Variants in ADAMTS2 observed in about 807,000 individuals in gnomAD.
ADAMTS2 encodes the protein ADAM metallopeptidase with thrombospondin type 1 motif 2, also known as A disintegrin and metalloproteinase with thrombospondin motifs 2.
Under a neutral mutation model 123.0 loss-of-function variants are expected in ADAMTS2, and 50 were observed. The observed-to-expected ratio is 0.41, with a 90% confidence interval of 0.32 to 0.51. The LOEUF (loss-of-function observed/expected upper bound fraction) is 0.51. ADAMTS2 is among the 20% of genes least tolerant of loss of function. ADAMTS2 has a pLI of 0.35. For missense variants in ADAMTS2, 1,494 were observed against 1,705.2 expected (o/e 0.88, Z 2.18); for synonymous variants, 678 against 695.4 (o/e 0.98, Z 0.39).
At position 179,151,492 on chromosome 5, in the gene ADAMTS2, A is replaced by C. The variant is rs554038008; in HGVS notation, c.1629+650T>G. Among the ~76,000 whole-genome samples the C allele has an allele frequency of 2.0e-5, 3 of 152,190 alleles. No homozygotes were observed. The South Asian group carries it at 6.2e-4, about 32-fold the overall frequency. ...TACTCCCTGCCCCCACTGCAGGGCC[A>C]AGGTGGTCTCAGTGGGGCTGAGCCT... On this transcript the variant is annotated intron_variant, in intron 10 of 21. Transcript: ENST00000251582.
intron 19 of ADAMTS2, 84 bp downstream of exon 19, chr5:179,124,889 C>A: frequency 6.3e-7 from 1 of 1,595,878 alleles, no homozygotes; most frequent in Non-Finnish European, 8.5e-7. Context: ...TGTGTAGCGG[C>A]TGAATGCAGC....
At chr5:179,131,306 C>CAAAAAAAAAAAAAAA (rs553125844) in intron 15 of ADAMTS2, among the ~76,000 whole-genome samples, 8 of 22,652 alleles carry the variant, frequency 3.5e-4, no homozygotes, top group South Asian at 2.1e-3. Context: ...GAGCGAGACT[C>CAAAAAAAAAAAAAAA]AAAAAAAAAA....
chr5:179,268,589 C>T (rs1766435912), intron 3 of ADAMTS2, among the ~76,000 whole-genome samples: 1 of 152,236 alleles, frequency 6.6e-6, no homozygotes, highest in Admixed American at 6.5e-5. Flanking sequence ...GGGTTGGCTT[C>T]TCTGTGCACG....
At chr5:179,147,174 C>T (rs558036678) in intron 10 of ADAMTS2, among the ~76,000 whole-genome samples, 7 of 152,280 alleles carry the variant, frequency 4.6e-5, no homozygotes, top group African/African-American at 1.2e-4. Flanking sequence ...CTGCAAGCTC[C>T]ACCTCCCGGG....
intron 4 of ADAMTS2, among the ~76,000 whole-genome samples, chr5:179,196,498 C>T (rs1008403438): frequency 6.6e-6 from 1 of 152,168 alleles, no homozygotes; most frequent in Non-Finnish European, 1.5e-5. Flanking sequence ...CCTGCTCTGC[C>T]GTTCTACAGC....
chr5:179,324,904 G>A (rs1164604583), intron 2 of ADAMTS2, among the ~76,000 whole-genome samples: 2 of 112,622 alleles, frequency 1.8e-5, no homozygotes, highest in Non-Finnish European at 3.7e-5. Flanking sequence ...CAGCATTCAG[G>A]CAAAAGCCCA....
chr5:179,285,210 T>A lies in ADAMTS2; in HGVS notation c.535-12146A>T, dbSNP rs1755986818. 2.0e-5 allele frequency among the ~76,000 whole-genome samples: 3 copies of A among 152,204 alleles called. No homozygotes were observed. On this transcript the variant is annotated intron_variant, in intron 2 of 21. Coordinates refer to ENST00000251582, the MANE Select transcript of ADAMTS2 (RefSeq NM_014244.5). The surrounding 1 kb of genome is among the most constrained non-coding windows in gnomAD (Gnocchi z 4.9). The stretch of plus-strand genomic sequence containing the variant: ...GGGTGAGTTTCACTTTTTATTAATA[T>A]TTTCTGTATTTTTTTTGTTTTACAT...
intron 3 of ADAMTS2, among the ~76,000 whole-genome samples, chr5:179,238,929 G>A (rs1165153221): frequency 6.6e-6 from 1 of 152,098 alleles, no homozygotes; most frequent in South Asian, 2.1e-4. Context: ...TGCCCCAGTA[G>A]GCAGATCTAG....
At chr5:179,291,666 G>C (rs558954384) in intron 2 of ADAMTS2, among the ~76,000 whole-genome samples, 1 of 152,158 alleles carries the variant, frequency 6.6e-6, no homozygotes, top group East Asian at 1.9e-4. Context: ...ACAGCCTCAG[G>C]ACTGATGGGG....
At chr5:179,164,720 G>A (rs1763666492) in intron 5 of ADAMTS2, among the ~76,000 whole-genome samples, 1 of 152,234 alleles carries the variant, frequency 6.6e-6, no homozygotes. Context: ...TCAGTCCCAA[G>A]CCGTAGCTGG....
At position 179,114,095 on chromosome 5, in the gene ADAMTS2, T is replaced by C; in HGVS notation, c.3408A>G (p.Pro1136=). The C allele has an allele frequency of 9.3e-6, 15 of 1,614,010 alleles. No homozygotes were observed. Among genetic ancestry groups the C allele is most frequent in the Non-Finnish European group, 1.3e-5 (15 of 1,179,998 alleles). Residue 1136 remains proline (P), a synonymous_variant, in exon 22 of 22, where the codon CCA becomes CCG. Transcript: ENST00000251582. ...PTVAMEVRPS[P]STPLEVPLNA... ...TGAGAGGGACCTCCAGGGGGGTGCTTGGTGATGGCCGCACCTCCATGGCTA... is the reference window on the plus strand; with the variant it reads ...TGAGAGGGACCTCCAGGGGGGTGCTCGGTGATGGCCGCACCTCCATGGCTA...
At chr5:179,298,353 AC>A (rs1034000034) in intron 2 of ADAMTS2, among the ~76,000 whole-genome samples, 2 of 150,296 alleles carry the variant, frequency 1.3e-5, no homozygotes, top group African/African-American at 4.9e-5. Flanking sequence ...GAGGGTGGGG[AC>A]CCCGTTAATG....
In ADAMTS2 at chr5:179,198,949, C is replaced by T. The variant is rs564239488; in HGVS notation, c.891+8564G>A. On this transcript the variant is annotated intron_variant, in intron 4 of 21. Coordinates refer to ENST00000251582, the MANE Select transcript of ADAMTS2 (RefSeq NM_014244.5). ...AGTGCCCTCTTAGCACGGCTGGCTT[C>T]GCCTGGGCCTCAGAGGTGTGTGGAC... Among the ~76,000 whole-genome samples, 13 of 152,130 alleles carry T rather than the reference C, an allele frequency of 8.5e-5. No individual in the cohort carries two copies. In the South Asian group the frequency reaches 1.2e-3, roughly 15 times the overall value.
Position 179,201,662 on chromosome 5 carries a change from C to T in ADAMTS2, c.891+5851G>A, listed in dbSNP as rs1459464602. Reference sequence around the variant, plus strand: ...AAAAAAAAAAAAAAAATTAGACGGCCGTGGTGGTGCATGCCTGTAATCCCA... The same window carrying T: ...AAAAAAAAAAAAAAAATTAGACGGCTGTGGTGGTGCATGCCTGTAATCCCA... On this transcript the variant is annotated intron_variant, in intron 4 of 21. Transcript: ENST00000251582. Among the ~76,000 whole-genome samples the T allele has an allele frequency of 2.8e-5, 4 of 143,696 alleles. 1 individual carries two copies. The highest frequency in any genetic ancestry group is 7.4e-3 in the Middle Eastern group (2 of 272). 94.3% of individuals were successfully genotyped at this position (143,696 alleles called of 152,430 possible).
At chr5:179,235,094 G>C (rs752174957) in intron 3 of ADAMTS2, among the ~76,000 whole-genome samples, 1 of 152,184 alleles carries the variant, frequency 6.6e-6, no homozygotes, top group Non-Finnish European at 1.5e-5. Context: ...CCAGCTCCCA[G>C]CTCGTTAGGC....
intron 2 of ADAMTS2, among the ~76,000 whole-genome samples, chr5:179,320,107 C>A (rs943761980): frequency 1.3e-5 from 2 of 152,248 alleles, no homozygotes; most frequent in African/African-American, 4.8e-5. Flanking sequence ...TGGTCAGCAG[C>A]CTCACTGTCC....
intron 4 of ADAMTS2, among the ~76,000 whole-genome samples, chr5:179,192,029 C>T (rs925570902): frequency 3.3e-5 from 5 of 152,216 alleles, no homozygotes; most frequent in African/African-American, 9.6e-5. Flanking sequence ...GTGGCCCAGG[C>T]GTCAGACCCG....
intron 2 of ADAMTS2, among the ~76,000 whole-genome samples, chr5:179,343,565 A>G (rs1286045849): frequency 6.6e-6 from 1 of 152,168 alleles, no homozygotes; most frequent in African/African-American, 2.4e-5. Flanking sequence ...CCATGCATAA[A>G]TGGCCCCCTG....
chr5:179,279,800 C>T (rs1464355485), intron 2 of ADAMTS2, among the ~76,000 whole-genome samples: 5 of 152,264 alleles, frequency 3.3e-5, no homozygotes, highest in African/African-American at 4.8e-5. Flanking sequence ...TCGGTCCTCA[C>T]CACTGGGGGC....
Sources: gnomAD v4.1 joint callset for allele counts (sites outside exome capture counted in the v4.1 genomes callset) on GRCh38, gnomAD v4.1.1 for gene constraint, Gnocchi (gnomAD v3.1) non-coding constraint, MANE v1.5 for transcripts, NCBI Gene and HGNC (gene_info 2026-07-23, HGNC 2026-07-21) for gene names.